Variants in ITGBL1 observed in about 807,000 individuals in gnomAD.
ITGBL1 encodes the protein integrin subunit beta like 1.
In ITGBL1, 51 loss-of-function variants were observed where a neutral mutation model predicts 68.5. The ratio of observed to expected loss-of-function variants is 0.74; its 90% CI spans 0.59 to 0.94. The LOEUF is 0.94. Ranked by LOEUF, ITGBL1 falls within the 40% of genes least tolerant of loss-of-function variation. ITGBL1 has a pLI of 0.00. For missense variants in ITGBL1, 649 were observed against 647.4 expected, an observed-to-expected ratio of 1.00 and a Z score of -0.03; for synonymous variants, 209 against 227.3, an observed-to-expected ratio of 0.92 and a Z score of 0.72.
chr13:101,704,091 A>T (rs1388025174), intron 8 of ITGBL1, among the ~76,000 whole-genome samples: 1 of 151,574 alleles, frequency 6.6e-6, no homozygotes, highest in African/African-American at 2.4e-5. Context: ...AAATGCCTGC[A>T]GTGCCAGCTT....
chr13:101,578,078 T>G (rs1463241236), intron 4 of ITGBL1, among the ~76,000 whole-genome samples: 1 of 152,184 alleles, frequency 6.6e-6, no homozygotes, highest in African/African-American at 2.4e-5. Flanking sequence ...TCTGGCTCTG[T>G]CTCTCAGATG....
intron 2 of ITGBL1, among the ~76,000 whole-genome samples, chr13:101,514,997 G>T (rs2049172745): frequency 2.0e-5 from 3 of 152,004 alleles, no homozygotes; most frequent in Non-Finnish European, 4.4e-5. Flanking sequence ...AATATTATAG[G>T]AATTTATGAT....
intron 7 of ITGBL1, among the ~76,000 whole-genome samples, chr13:101,619,564 A>G (rs1177338755): frequency 6.6e-6 from 1 of 152,120 alleles, no homozygotes; most frequent in Non-Finnish European, 1.5e-5. Flanking sequence ...GCCCAGCCAA[A>G]CCATTTTAGA....
At chr13:101,605,390 G>A (rs1382886882) in intron 7 of ITGBL1, among the ~76,000 whole-genome samples, 3 of 82,782 alleles carry the variant, frequency 3.6e-5, no homozygotes, top group East Asian at 2.8e-4. Context: ...ACATATATGG[G>A]CATGTATGTG....
At chr13:101,515,314 C>G (rs1353515526) in intron 2 of ITGBL1, among the ~76,000 whole-genome samples, 1 of 151,674 alleles carries the variant, frequency 6.6e-6, no homozygotes, top group Non-Finnish European at 1.5e-5. Flanking sequence ...ATAAATAATC[C>G]TCTATTAAAA....
intron 7 of ITGBL1, among the ~76,000 whole-genome samples, chr13:101,635,729 A>G (rs767176061): frequency 1.3e-5 from 2 of 152,084 alleles, no homozygotes; most frequent in Non-Finnish European, 2.9e-5. Flanking sequence ...GACCCAAACC[A>G]TATAGGAGGT....
At chr13:101,523,533 G>C (rs1341798255) in intron 2 of ITGBL1, among the ~76,000 whole-genome samples, 1 of 152,154 alleles carries the variant, frequency 6.6e-6, no homozygotes, top group Non-Finnish European at 1.5e-5. Context: ...CTGCTCCGGA[G>C]TAATGCTAAT....
intron 7 of ITGBL1, among the ~76,000 whole-genome samples, chr13:101,639,303 T>C (rs1443629859): frequency 6.6e-6 from 1 of 152,216 alleles, no homozygotes; most frequent in Non-Finnish European, 1.5e-5. Context: ...AAAGTTTTCT[T>C]TTGTTCTGAA....
At chr13:101,549,107 A>G (rs1341841834) in intron 2 of ITGBL1, among the ~76,000 whole-genome samples, 1 of 151,972 alleles carries the variant, frequency 6.6e-6, no homozygotes, top group Non-Finnish European at 1.5e-5. Context: ...ATAAATATTC[A>G]GGAATGTAGT....
At chr13:101,698,679 A>T (rs1050335389) in intron 8 of ITGBL1, among the ~76,000 whole-genome samples, 2 of 152,210 alleles carry the variant, frequency 1.3e-5, no homozygotes, top group African/African-American at 4.8e-5. Flanking sequence ...TATTTATAAA[A>T]AGCATGACTT....
At chr13:101,501,977 C>G (rs770512967) in intron 2 of ITGBL1, among the ~76,000 whole-genome samples, 1 of 152,078 alleles carries the variant, frequency 6.6e-6, no homozygotes, top group Non-Finnish European at 1.5e-5. Context: ...AGAGGCTTCC[C>G]TCTCACCTGA....
intron 2 of ITGBL1, among the ~76,000 whole-genome samples, chr13:101,544,662 C>G (rs1337664773): frequency 6.6e-6 from 1 of 152,224 alleles, no homozygotes; most frequent in East Asian, 1.9e-4. Context: ...GTGGAGTCTA[C>G]AGAGACAGGC....
chr13:101,610,177 G>A (rs35779961), intron 7 of ITGBL1, among the ~76,000 whole-genome samples: 2,344 of 152,140 alleles, frequency 0.015, 25 homozygotes, highest in Non-Finnish European at 0.022. Flanking sequence ...TTGTAGTGGA[G>A]AGCTTTAGCA....
At chr13:101,670,745 A>G (rs1174670697) in intron 7 of ITGBL1, among the ~76,000 whole-genome samples, 2 of 152,224 alleles carry the variant, frequency 1.3e-5, no homozygotes, top group Admixed American at 1.3e-4. Flanking sequence ...CTCTCATCTT[A>G]TGAAAGAGTT....
intron 2 of ITGBL1, among the ~76,000 whole-genome samples, chr13:101,481,119 T>C (rs5806222): frequency 5.2e-5 from 7 of 133,588 alleles, no homozygotes; most frequent in African/African-American, 1.7e-4. Flanking sequence ...TATATACACA[T>C]ATATATACAC....
intron 2 of ITGBL1, among the ~76,000 whole-genome samples, chr13:101,549,200 GA>G (rs1005402136): frequency 6.6e-5 from 10 of 151,694 alleles, no homozygotes; most frequent in African/African-American, 2.2e-4. Flanking sequence ...TAGCCATATG[GA>G]AAAAATAAAT....
At chr13:101,499,823 A>G (rs1317608113) in intron 2 of ITGBL1, among the ~76,000 whole-genome samples, 5 of 152,240 alleles carry the variant, frequency 3.3e-5, no homozygotes, top group African/African-American at 1.2e-4. Context: ...AACAAGAAAT[A>G]AGAGATGGCT....
chr13:101,680,211 A>G (rs1397405734), intron 7 of ITGBL1, among the ~76,000 whole-genome samples: 1 of 152,200 alleles, frequency 6.6e-6, no homozygotes, highest in Non-Finnish European at 1.5e-5. Context: ...CAAGTGTTTA[A>G]TTCCTTCTCA....
chr13:101,671,040 ATT>A (rs1256451424), intron 7 of ITGBL1, among the ~76,000 whole-genome samples: 1 of 152,168 alleles, frequency 6.6e-6, no homozygotes, highest in Non-Finnish European at 1.5e-5. Context: ...AATTCATCAG[ATT>A]TTTAAACCAT....
Sources: gnomAD v4.1 joint callset for allele counts (sites outside exome capture counted in the v4.1 genomes callset) on GRCh38, gnomAD v4.1.1 for gene constraint, MANE v1.5 for transcripts, NCBI Gene and HGNC (gene_info 2026-07-23, HGNC 2026-07-21) for gene names.